The following SMYD3 variants were observed in gnomAD, a reference collection of about 807,000 sequenced individuals.
The protein encoded by SMYD3 is SET and MYND domain containing 3.
Under a neutral mutation model 57.7 loss-of-function variants are expected in SMYD3, and 36 were observed. That is an observed-to-expected ratio of 0.62 (90% CI 0.48 to 0.82). SMYD3 has a LOEUF of 0.82. SMYD3 is among the 40% of genes least tolerant of loss of function. The pLI, the probability that SMYD3 is intolerant of heterozygous loss-of-function variation, is 0.00. For missense variants in SMYD3, 515 were observed against 538.8 expected (o/e 0.96, Z 0.44); for synonymous variants, 211 against 195.0 (o/e 1.08, Z -0.68).
At chr1:246,317,249 T>C (rs2065176651) in intron 5 of SMYD3, among the ~76,000 whole-genome samples, 1 of 152,218 alleles carries the variant, frequency 6.6e-6, no homozygotes, top group African/African-American at 2.4e-5. Flanking sequence ...TGCTCAGAAA[T>C]GTGACCAGCA....
chr1:245,857,075 A>G (rs1174196947), intron 10 of SMYD3, among the ~76,000 whole-genome samples: 3 of 152,226 alleles, frequency 2.0e-5, no homozygotes, highest in African/African-American at 7.2e-5. Flanking sequence ...CTCATGGGAA[A>G]GTCTACAGTC....
intron 2 of SMYD3, among the ~76,000 whole-genome samples, chr1:246,347,149 A>AT (rs1329137957): frequency 6.6e-6 from 1 of 152,124 alleles, no homozygotes; most frequent in Non-Finnish European, 1.5e-5. Context: ...AAAAGACTTT[A>AT]TAAAAAAAAA....
At chr1:245,909,860 C>A (rs931990111) in intron 8 of SMYD3, among the ~76,000 whole-genome samples, 1 of 152,048 alleles carries the variant, frequency 6.6e-6, no homozygotes, top group Non-Finnish European at 1.5e-5. Flanking sequence ...TAGCATCACA[C>A]TTAATTGGGA....
chr1:245,854,199 G>A (rs537382954), intron 10 of SMYD3, among the ~76,000 whole-genome samples: 5 of 152,286 alleles, frequency 3.3e-5, no homozygotes, highest in African/African-American at 4.8e-5. Flanking sequence ...GGAAGTCAAC[G>A]TCATCTCTTC....
In SMYD3 at chr1:246,034,079, G is replaced by T. The variant is rs1430106561; in HGVS notation, c.532-104142C>A. On this transcript the variant is annotated intron_variant, in intron 5 of 11. Coordinates refer to ENST00000490107, the MANE Select transcript of SMYD3 (RefSeq NM_001167740.2). ...AAAATTATTACGTATATGAAAAATT[G>T]CCTAGCACAGACAGTTCTTGGCAAT... 3.3e-5 allele frequency among the ~76,000 whole-genome samples: 5 copies of T among 152,214 alleles called. No homozygotes were observed. In the South Asian group the frequency reaches 1.0e-3, roughly 32 times the overall value.
intron 10 of SMYD3, among the ~76,000 whole-genome samples, chr1:245,828,514 T>C (rs1326788257): frequency 6.6e-6 from 1 of 152,212 alleles, no homozygotes; most frequent in East Asian, 1.9e-4. Context: ...ATTATGTGCT[T>C]ATTTTTTGAC....
rs1432551812 is a variant in SMYD3, at chr1:246,327,160, G to T, written c.531+41C>A. The T allele has an allele frequency of 1.9e-6, 3 of 1,610,972 alleles. No homozygotes were observed. The Admixed American group carries it at 5.1e-5, about 27-fold the overall frequency. ...CTAACAACAAAATAAGGAGCAAATG[G>T]TTGATGTATGGAATTAGCAAAGAGC... On this transcript the variant is annotated intron_variant, in intron 5 of 11. Coordinates refer to ENST00000490107, the MANE Select transcript of SMYD3 (RefSeq NM_001167740.2).
intron 8 of SMYD3, among the ~76,000 whole-genome samples, chr1:245,907,401 A>G (rs1002204781): frequency 6.6e-6 from 1 of 152,230 alleles, no homozygotes; most frequent in Non-Finnish European, 1.5e-5. Context: ...GAGAAAACCT[A>G]TTTAACGAAA....
At position 246,355,065 on chromosome 1, in the gene SMYD3, C is replaced by T; in HGVS notation, c.194G>A (p.Cys65Tyr). 2 of 1,614,166 alleles carry T rather than the reference C, an allele frequency of 1.2e-6. No homozygotes were observed. The highest frequency in any genetic ancestry group is 2.2e-5 in the South Asian group (2 of 91,078). The change falls in exon 2 of 12, where the codon TGC becomes TAC. Residue 65 changes from cysteine (C) to tyrosine (Y), a missense_variant. Physicochemically the swap from Cys to Tyr is radical, Grantham distance 194. Coordinates refer to ENST00000490107, the MANE Select transcript of SMYD3 (RefSeq NM_001167740.2). This position sits in a 1 kb window ranked among gnomAD's most constrained non-coding sequence, Gnocchi z 5.0. ...GKEKLMRCSQ[C>Y]RVAKYCSAKC... ...AGCACTACAGTATTTGGCGACGCGGCACTGAGAGCATCGCATCAGCTTTTC... is the reference window on the plus strand; with the variant it reads ...AGCACTACAGTATTTGGCGACGCGGTACTGAGAGCATCGCATCAGCTTTTC...
Position 246,431,489 on chromosome 1 carries a change from G to A in SMYD3, c.164+75565C>T, listed in dbSNP as rs572768062. On this transcript the variant is annotated intron_variant, in intron 1 of 11. Coordinates refer to ENST00000490107, the MANE Select transcript of SMYD3 (RefSeq NM_001167740.2). ...TCACACCTGTAGTCCCAGCACTTTG[G>A]GAGGCCAAGGTGGGTGGATGGCTTG... Among the ~76,000 whole-genome samples, 4 of 152,310 alleles carry A rather than the reference G, an allele frequency of 2.6e-5. No homozygotes were observed. The East Asian group carries it at 7.7e-4, about 29-fold the overall frequency.
At chr1:245,811,106 A>G (rs1472202955) in intron 10 of SMYD3, among the ~76,000 whole-genome samples, 2 of 152,206 alleles carry the variant, frequency 1.3e-5, no homozygotes, top group Admixed American at 6.5e-5. Context: ...GCTGTGTTTC[A>G]GCTGTCACGT....
rs141409261 is a variant in SMYD3, at chr1:246,122,957, A to G, written c.532-193020T>C. Among the ~76,000 whole-genome samples the G allele has an allele frequency of 1.0e-3, 157 of 152,330 alleles. 2 individuals carry two copies. The highest frequency in any genetic ancestry group is 3.7e-3 in the African/African-American group (153 of 41,578). On this transcript the variant is annotated intron_variant, in intron 5 of 11. Transcript: ENST00000490107. ...TAGGAAGTTTCTGTCAAGGGAAAAC[A>G]TACTTTGAGTTTTTTGATTTTACTT...
chr1:246,411,545 A>G (rs2066968759), intron 1 of SMYD3, among the ~76,000 whole-genome samples: 1 of 152,172 alleles, frequency 6.6e-6, no homozygotes, highest in African/African-American at 2.4e-5. Context: ...TTGTGGCACT[A>G]TTCACAATAG....
At chr1:245,796,609 T>C (rs12022864) in intron 10 of SMYD3, among the ~76,000 whole-genome samples, 55,016 of 152,172 alleles carry the variant, frequency 0.36, 12,174 homozygotes, top group Middle Eastern at 0.55. Flanking sequence ...ACACTGGAAA[T>C]GTGAGTATCA....
chr1:245,805,099 C>G (rs1035824797), intron 10 of SMYD3, among the ~76,000 whole-genome samples: 33 of 148,540 alleles, frequency 2.2e-4, no homozygotes, highest in African/African-American at 6.5e-4. Flanking sequence ...AAACCCTGCA[C>G]AGATAAATTG....
chr1:246,443,262 T>C (rs1398996790), intron 1 of SMYD3, among the ~76,000 whole-genome samples: 12 of 152,244 alleles, frequency 7.9e-5, no homozygotes, highest in Non-Finnish European at 4.4e-5. Context: ...ATCCTCAAAC[T>C]GTACATTTCT....
At chr1:245,967,083 A>C (rs930241767) in intron 5 of SMYD3, among the ~76,000 whole-genome samples, 1 of 152,174 alleles carries the variant, frequency 6.6e-6, no homozygotes, top group African/African-American at 2.4e-5. Context: ...CAAAAGTAGA[A>C]TTTGTTTTTC....
chr1:246,400,542 C>A (rs995339311), intron 1 of SMYD3, among the ~76,000 whole-genome samples: 10 of 152,272 alleles, frequency 6.6e-5, no homozygotes, highest in Admixed American at 5.9e-4. Flanking sequence ...GGATCCAAAA[C>A]CATTTTTTTA....
intron 10 of SMYD3, among the ~76,000 whole-genome samples, chr1:245,815,790 C>T (rs1331573881): frequency 6.6e-6 from 1 of 152,248 alleles, no homozygotes; most frequent in African/African-American, 2.4e-5. Context: ...ATGAAAATCG[C>T]TGTTTTTACA....
Sources: gnomAD v4.1 joint callset for allele counts (sites outside exome capture counted in the v4.1 genomes callset) on GRCh38, gnomAD v4.1.1 for gene constraint, Gnocchi (gnomAD v3.1) non-coding constraint, MANE v1.5 for transcripts, NCBI Gene and HGNC (gene_info 2026-07-23, HGNC 2026-07-21) for gene names.